Variants in SGCZ observed in about 807,000 individuals in gnomAD.
The protein encoded by SGCZ is sarcoglycan zeta, also known as zeta-sarcoglycan.
Under a neutral mutation model 41.3 loss-of-function variants are expected in SGCZ, and 40 were observed. The ratio of observed to expected loss-of-function variants is 0.97; its 90% CI spans 0.75 to 1.26. SGCZ has a LOEUF of 1.26. Ranked by LOEUF, SGCZ falls within the 50% of genes most tolerant of loss-of-function variation. SGCZ has a pLI of 0.00. For missense variants in SGCZ, 552 were observed against 369.8 expected, an observed-to-expected ratio of 1.49 and a Z score of -4.04; for synonymous variants, 206 against 137.5, an observed-to-expected ratio of 1.50 and a Z score of -3.49.
rs568135934 is a variant in SGCZ at position 14,278,187 on chromosome 8, G to T, written c.337-40508C>A. Among the ~76,000 whole-genome samples, 6 of 152,050 alleles carry T rather than the reference G, an allele frequency of 3.9e-5. 1 individual carries two copies. The Middle Eastern group carries it at 0.02, about 517-fold the overall frequency. ...AATTACTTATTACCCTCATAAAATT[G>T]CCTACAGTCCCACATATCGCCCCTC... On this transcript the variant is annotated intron_variant, in intron 3 of 7. Coordinates refer to ENST00000382080, the MANE Select transcript of SGCZ (RefSeq NM_139167.4).
At chr8:14,661,613 A>C (rs529622540) in intron 1 of SGCZ, among the ~76,000 whole-genome samples, 3 of 152,158 alleles carry the variant, frequency 2.0e-5, no homozygotes, top group African/African-American at 4.8e-5. Context: ...AACATAAATC[A>C]GTAGCATTTG....
intron 1 of SGCZ, among the ~76,000 whole-genome samples, chr8:15,097,866 G>A (rs71500704): frequency 0.45 from 30,306 of 67,874 alleles, 5,178 homozygotes; most frequent in Non-Finnish European, 0.52. Flanking sequence ...ACGTGTGTGT[G>A]TATATATATA....
At chr8:14,858,826 C>G (rs749082468) in intron 1 of SGCZ, among the ~76,000 whole-genome samples, 1 of 151,996 alleles carries the variant, frequency 6.6e-6, no homozygotes, top group Non-Finnish European at 1.5e-5. Context: ...AATGCCTAAC[C>G]GGTTTAACAA....
chr8:14,788,454 T>G (rs1800843592), intron 1 of SGCZ, among the ~76,000 whole-genome samples: 1 of 152,178 alleles, frequency 6.6e-6, no homozygotes, highest in Non-Finnish European at 1.5e-5. Context: ...GGAAGATACT[T>G]TGTTAACCGT....
chr8:14,394,078 T>C (rs1456272723), intron 2 of SGCZ, among the ~76,000 whole-genome samples: 1 of 151,946 alleles, frequency 6.6e-6, no homozygotes, highest in Non-Finnish European at 1.5e-5. Context: ...GGAAAACAGA[T>C]GTAGCATACA....
chr8:15,006,919 G>A (rs774080698), intron 1 of SGCZ, among the ~76,000 whole-genome samples: 7 of 152,130 alleles, frequency 4.6e-5, no homozygotes, highest in Non-Finnish European at 7.3e-5. Context: ...TTTGTATATT[G>A]AAATATCAAG....
intron 1 of SGCZ, among the ~76,000 whole-genome samples, chr8:15,040,127 TTATTTAAA>T (rs1468154143): frequency 6.6e-6 from 1 of 152,206 alleles, no homozygotes; most frequent in Non-Finnish European, 1.5e-5. Flanking sequence ...AGCAAATTTG[TTATTTAAA>T]TAGGTACATG....
At chr8:14,702,809 TTAGGTAGATAGATAGATAGATAGA>T (rs1278246438) in intron 1 of SGCZ, among the ~76,000 whole-genome samples, 29 of 117,412 alleles carry the variant, frequency 2.5e-4, no homozygotes, top group Middle Eastern at 4.8e-3. Context: ...AGGTAGGTAG[TTAGGTAGATAGATAGATAGATAGA>T]TAGATAGATA....
intron 1 of SGCZ, 110 bp from the exon 2 acceptor site, chr8:14,555,036 G>A (rs1803992273): frequency 1.1e-6 from 1 of 918,512 alleles, no homozygotes; most frequent in Admixed American, 2.7e-5. Flanking sequence ...TAAAATAATT[G>A]GCAGTGAGCA....
At chr8:14,571,196 G>A (rs545575555) in intron 1 of SGCZ, among the ~76,000 whole-genome samples, 13 of 152,178 alleles carry the variant, frequency 8.5e-5, no homozygotes, top group East Asian at 1.9e-4. Context: ...AGGGGAAACC[G>A]CCACTTACAG....
chr8:14,745,221 G>GTC (rs34606430), intron 1 of SGCZ, among the ~76,000 whole-genome samples: 1 of 151,782 alleles, frequency 6.6e-6, no homozygotes, highest in Admixed American at 6.6e-5. Context: ...GTGTGTGTGT[G>GTC]TTGAATCAGA....
intron 2 of SGCZ, among the ~76,000 whole-genome samples, chr8:14,352,744 G>T (rs1045492623): frequency 6.6e-6 from 1 of 151,870 alleles, no homozygotes; most frequent in Non-Finnish European, 1.5e-5. Context: ...TTTTTGCCTT[G>T]GTCATATAAA....
At chr8:14,327,775 A>T (rs1802174759) in intron 2 of SGCZ, among the ~76,000 whole-genome samples, 1 of 152,142 alleles carries the variant, frequency 6.6e-6, no homozygotes, top group Non-Finnish European at 1.5e-5. Context: ...CTGTAAATGT[A>T]GGACTGTTTT....
intron 1 of SGCZ, among the ~76,000 whole-genome samples, chr8:14,965,221 A>G (rs1193380254): frequency 1.3e-5 from 2 of 152,144 alleles, no homozygotes; most frequent in Non-Finnish European, 2.9e-5. Context: ...TTATGAATCT[A>G]ACTTGTTTGA....
chr8:15,092,212 C>A (rs1443333021), intron 1 of SGCZ, among the ~76,000 whole-genome samples: 1 of 152,154 alleles, frequency 6.6e-6, no homozygotes, highest in Non-Finnish European at 1.5e-5. Context: ...TCTTTTAATT[C>A]TCTAACCATT....
At chr8:14,298,363 AAAG>A (rs1255563788) in intron 3 of SGCZ, among the ~76,000 whole-genome samples, 2 of 151,978 alleles carry the variant, frequency 1.3e-5, no homozygotes, top group Non-Finnish European at 2.9e-5. Context: ...CAGCATGACT[AAAG>A]AAGAATAAAA....
chr8:15,119,991 G>A (rs544646819), intron 1 of SGCZ, among the ~76,000 whole-genome samples: 3 of 150,760 alleles, frequency 2.0e-5, no homozygotes, highest in Non-Finnish European at 4.4e-5. Flanking sequence ...TGTTGCTTTT[G>A]TTTTTTATTG....
chr8:14,486,989 C>T (rs1365010949), intron 2 of SGCZ, among the ~76,000 whole-genome samples: 1 of 152,098 alleles, frequency 6.6e-6, no homozygotes, highest in South Asian at 2.1e-4. Flanking sequence ...ACTATGTTGT[C>T]TGAAACATGT....
In SGCZ at chr8:14,463,008, A is replaced by G. The variant is rs139721821; in HGVS notation, c.234+91724T>C. Among the ~76,000 whole-genome samples the G allele has an allele frequency of 7.2e-5, 11 of 151,914 alleles. No individual in the cohort carries two copies. In the East Asian group the frequency reaches 2.1e-3, roughly 29 times the overall value. On this transcript the variant is annotated intron_variant, in intron 2 of 7. Coordinates refer to ENST00000382080, the MANE Select transcript of SGCZ (RefSeq NM_139167.4). ...AAATGGTTTATTTTTAATGTATAAA[A>G]TACAACTGATTTTTTGTGTTGACTA... is the stretch of plus-strand genomic sequence containing the variant.
Sources: allele counts gnomAD v4.1 joint callset (sites outside exome capture counted in the v4.1 genomes callset), GRCh38; gene constraint gnomAD v4.1.1; transcripts MANE v1.5; gene names NCBI Gene and HGNC (gene_info 2026-07-23, HGNC 2026-07-21).